Variants in DNAH14 observed in about 807,000 individuals in gnomAD.
DNAH14 encodes dynein axonemal heavy chain 14.
A neutral mutation model predicts 520.9 loss-of-function variants in DNAH14; 478 were observed. The ratio of observed to expected loss-of-function variants is 0.92; its 90% CI spans 0.85 to 0.99. The LOEUF is 0.99. Ranked by LOEUF, DNAH14 falls within the 50% of genes least tolerant of loss-of-function variation. The probability of loss-of-function intolerance (pLI) is 0.00; values close to 1 mark genes in which losing one functional copy is unlikely to be tolerated. For synonymous variants in DNAH14, 1,581 were observed against 1,757.2 expected, an observed-to-expected ratio of 0.90 and a Z score of 2.51; for missense variants, 4,831 against 5,234.5, an observed-to-expected ratio of 0.92 and a Z score of 2.38.
At chr1:225,212,973 A>G (rs1303899176) in intron 41 of DNAH14, among the ~76,000 whole-genome samples, 3 of 152,124 alleles carry the variant, frequency 2.0e-5, no homozygotes, top group South Asian at 2.1e-4. Context: ...TTAGTCATGA[A>G]GTCCTTGCCC....
chr1:225,279,433 G>A (rs1347232278), intron 54 of DNAH14, among the ~76,000 whole-genome samples: 1 of 152,200 alleles, frequency 6.6e-6, no homozygotes, highest in African/African-American at 2.4e-5. Context: ...TGGAGCTTCT[G>A]CAGGGAGAAG....
intron 77 of DNAH14, among the ~76,000 whole-genome samples, chr1:225,374,181 A>ATATATATATATATATATATG (rs2095661012): frequency 1.0e-5 from 1 of 98,276 alleles, no homozygotes. Context: ...ATATATATAT[A>ATATATATATATATATATATG]TACTATTCTA....
intron 1 of DNAH14, among the ~76,000 whole-genome samples, 185 bp from the exon 2 acceptor site, chr1:224,952,485 T>C (rs1002363886): frequency 6.6e-6 from 1 of 152,206 alleles, no homozygotes; most frequent in African/African-American, 2.4e-5. Flanking sequence ...GAGATTGCCC[T>C]GAGAAGGCTA....
intron 42 of DNAH14, among the ~76,000 whole-genome samples, chr1:225,238,703 C>T (rs2091772864): frequency 6.6e-6 from 1 of 152,148 alleles, no homozygotes; most frequent in South Asian, 2.1e-4. Flanking sequence ...CTCTCCATAG[C>T]TGGCAGGCTG....
intron 57 of DNAH14, 70 bp from the exon 58 acceptor site, chr1:225,304,838 T>G: frequency 7.8e-7 from 1 of 1,276,928 alleles, no homozygotes; most frequent in Non-Finnish European, 1.1e-6. Context: ...TAATTCTAAG[T>G]GTTCAACTTT....
intron 66 of DNAH14, among the ~76,000 whole-genome samples, chr1:225,335,058 A>T (rs1574845160): frequency 1.3e-5 from 2 of 149,234 alleles, no homozygotes; most frequent in South Asian, 4.2e-4. Flanking sequence ...ACATATGTAC[A>T]TATATGTATA....
chr1:225,102,153 T>G (rs994976063), intron 23 of DNAH14, among the ~76,000 whole-genome samples: 3 of 151,132 alleles, frequency 2.0e-5, no homozygotes, highest in African/African-American at 7.3e-5. Context: ...TGGTTTTTTC[T>G]CCTTGCGATA....
chr1:225,389,827 A>G lies in DNAH14; in HGVS notation c.13284A>G (p.Glu4428=), dbSNP rs754148225. 35 of 1,551,752 alleles carry G rather than the reference A, an allele frequency of 2.3e-5. 2 individuals are homozygous for G. In the South Asian group the frequency reaches 4.2e-4, roughly 18 times the overall value. Residue 4428 remains glutamate, a synonymous_variant, in exon 83 of 86, where the codon GAA becomes GAG. Coordinates refer to ENST00000682510, the MANE Select transcript of DNAH14 (RefSeq NM_001367479.1). The part of the protein sequence containing the change: ...HPEDSENNFF[E]GFPSRYWLPA... Reference sequence around the variant, plus strand: ...AGGATTCAGAGAACAATTTCTTTGAAGGGTTTCCTTCAAGATACTGGCTCC... The same window carrying G: ...AGGATTCAGAGAACAATTTCTTTGAGGGGTTTCCTTCAAGATACTGGCTCC...
chr1:225,120,214 G>A (rs1238616109), intron 26 of DNAH14, among the ~76,000 whole-genome samples: 3 of 152,154 alleles, frequency 2.0e-5, no homozygotes, highest in East Asian at 1.9e-4. Context: ...GAATCATAGC[G>A]GGGGTCAAAG....
At chr1:225,044,054 A>C in intron 15 of DNAH14, 71 bp downstream of exon 15, 2 of 875,550 alleles carry the variant, frequency 2.3e-6, no homozygotes, top group Non-Finnish European at 3.5e-6. Context: ...TAAGCATCTG[A>C]TGCCTTTACC....
intron 55 of DNAH14, among the ~76,000 whole-genome samples, chr1:225,295,864 T>C (rs530047507): frequency 6.6e-6 from 1 of 152,324 alleles, no homozygotes; most frequent in East Asian, 1.9e-4. Context: ...CAACTATTAT[T>C]GTATTGGGGT....
intron 60 of DNAH14, among the ~76,000 whole-genome samples, chr1:225,311,223 G>A (rs543442161): frequency 6.6e-6 from 1 of 152,096 alleles, no homozygotes; most frequent in Admixed American, 6.5e-5. Flanking sequence ...TTTTTCATAT[G>A]TTTGTTGGCC....
rs1402372646 is a variant in DNAH14 at position 225,335,844 on chromosome 1, TACAC to T, written c.10081-1420_10081-1417del. On this transcript the variant is annotated intron_variant, in intron 66 of 85. Transcript: ENST00000682510. ...ATACACATATGTACATATATGTACATACACATATGTACATATATGTACATACACA... is the reference window on the plus strand; with the variant it reads ...ATACACATATGTACATATATGTACATATATGTACATATATGTACATACACA... Among the ~76,000 whole-genome samples the T allele has an allele frequency of 1.3e-3, 122 of 95,236 alleles. 4 individuals carry two copies. The highest frequency in any genetic ancestry group is 5.0e-3 in the African/African-American group (109 of 21,890). 62.5% of individuals were successfully genotyped at this position (95,236 alleles called of 152,430 possible).
chr1:225,146,089 A>G (rs771814338), intron 30 of DNAH14, among the ~76,000 whole-genome samples: 9 of 152,080 alleles, frequency 5.9e-5, no homozygotes, highest in Non-Finnish European at 1.2e-4. Context: ...ACCAAATAAG[A>G]CTCTCTTGCC....
At chr1:225,128,118 C>T (rs543433578) in intron 27 of DNAH14, among the ~76,000 whole-genome samples, 4 of 152,204 alleles carry the variant, frequency 2.6e-5, no homozygotes, top group Admixed American at 6.5e-5. Context: ...GTAACCCGAC[C>T]GTTCTCTCTG....
At chr1:225,160,317 T>A (rs1036232092) in intron 35 of DNAH14, among the ~76,000 whole-genome samples, 1 of 152,152 alleles carries the variant, frequency 6.6e-6, no homozygotes, top group Non-Finnish European at 1.5e-5. Context: ...TTCAAAAAAA[T>A]ACTTTTAAAA....
Position 224,977,052 on chromosome 1 carries a change from A to G in DNAH14, c.830+2899A>G, listed in dbSNP as rs548878745. 2.5e-4 allele frequency among the ~76,000 whole-genome samples: 38 copies of G among 151,314 alleles called. No homozygotes were observed. The East Asian group carries it at 4.9e-3, about 19-fold the overall frequency. ...ACACATGCACACGTATGTTTATTGC[A>G]GCACTATTCACAATAGCAAAGACTT... On this transcript the variant is annotated intron_variant, in intron 8 of 85. Coordinates refer to ENST00000682510, the MANE Select transcript of DNAH14 (RefSeq NM_001367479.1).
At position 225,050,179 on chromosome 1, in the gene DNAH14, GA is replaced by G. The variant is rs528148305; in HGVS notation, c.1913-29del. The stretch of plus-strand genomic sequence containing the variant: ...AAGTGTTGCTTTCAATGGCATTTCT[GA>G]AGTACTGACTTTTAAATTATATATT... On this transcript the variant is annotated intron_variant, in intron 15 of 85. Transcript: ENST00000682510. 2.9e-5 allele frequency: 43 copies of G among 1,502,208 alleles called. No homozygotes were observed. In the African/African-American group the frequency reaches 5.4e-4, roughly 19 times the overall value. 93.1% of individuals were successfully genotyped at this position (1,502,208 alleles called of 1,614,324 possible). A position where few individuals can be genotyped will look rare whatever the true frequency, so the allele number is the denominator to read the frequency against.
At chr1:225,064,604 A>G (rs2070615812) in intron 17 of DNAH14, among the ~76,000 whole-genome samples, 1 of 151,966 alleles carries the variant, frequency 6.6e-6, no homozygotes. Context: ...ACAAGCTACT[A>G]CATGCAACAA....
Sources: gnomAD v4.1 joint callset for allele counts (sites outside exome capture counted in the v4.1 genomes callset) on GRCh38, gnomAD v4.1.1 for gene constraint, MANE v1.5 for transcripts, NCBI Gene and HGNC (gene_info 2026-07-23, HGNC 2026-07-21) for gene names.